COL28A1: variants seen among roughly 807,000 people sequenced by gnomAD.
COL28A1 encodes collagen type XXVIII alpha 1 chain, also known as collagen alpha-1(XXVIII) chain.
Under a neutral mutation model 150.2 loss-of-function variants are expected in COL28A1, and 161 were observed. The observed-to-expected ratio is 1.07, with a 90% CI of 0.94 to 1.22. The LOEUF (loss-of-function observed/expected upper bound fraction) is 1.22. COL28A1 is among the 50% of genes most tolerant of loss of function. COL28A1 has a pLI of 0.00. For synonymous variants in COL28A1, 552 were observed against 469.7 expected, an observed-to-expected ratio of 1.18 and a Z score of -2.26; for missense variants, 1,617 against 1,388.3, an observed-to-expected ratio of 1.16 and a Z score of -2.62.
At chr7:7,360,124 A>G (rs891948783) in intron 34 of COL28A1, among the ~76,000 whole-genome samples, 1 of 152,190 alleles carries the variant, frequency 6.6e-6, no homozygotes, top group Non-Finnish European at 1.5e-5. Flanking sequence ...CTCTAAAGGC[A>G]TTCAAATTAA....
intron 15 of COL28A1, among the ~76,000 whole-genome samples, chr7:7,456,649 A>G (rs1199963989): frequency 6.6e-6 from 1 of 152,198 alleles, no homozygotes; most frequent in Non-Finnish European, 1.5e-5. Context: ...AGTTACCAGC[A>G]AGAAGAACAT....
At chr7:7,471,069 A>T (rs894220086) in intron 15 of COL28A1, among the ~76,000 whole-genome samples, 1 of 144,354 alleles carries the variant, frequency 6.9e-6, no homozygotes, top group Admixed American at 6.9e-5. Context: ...TATGTAACTA[A>T]CCTGCACAAT....
downstream of COL28A1, chr7:7,356,702 G>C (rs1266007265): frequency 2.6e-5 from 4 of 151,896 alleles, no homozygotes; most frequent in African/African-American, 7.3e-5. Context: ...GTGGGGTGGC[G>C]GGGGAGTGGG....
the COL28A1 span, among the ~76,000 whole-genome samples, chr7:7,339,476 G>A: frequency 6.6e-6 from 1 of 152,088 alleles, no homozygotes. Context: ...TCGTGCTGAG[G>A]CAGAATACTG....
rs765702476 is a variant in COL28A1 at position 7,358,821 on chromosome 7, G to C, written c.3206-16C>G. On this transcript the variant is annotated splice_polypyrimidine_tract_variant and intron_variant, in intron 34 of 34. Transcript: ENST00000399429. ...CATCTAGGATCTAGAGTGAGAAAAG[G>C]AAAATGTGTCACGGATTTTTCTTAT... 21 of 1,595,228 alleles carry C rather than the reference G, an allele frequency of 1.3e-5. No homozygotes were observed. In the East Asian group the frequency reaches 4.7e-4, roughly 36 times the overall value.
rs915079736 is a variant in COL28A1, at chr7:7,432,510, G to C, written c.1961C>G (p.Pro654Arg). 1.9e-6 allele frequency: 3 copies of C among 1,613,884 alleles called. No homozygotes were observed. Among genetic ancestry groups the C allele is most frequent in the Non-Finnish European group, 2.5e-6 (3 of 1,179,986 alleles). ...GTCTCCCACTCCACGTAAACCCATCGGCCCAGGGGGTCCTGGTAATCCACG... is the reference window on the plus strand; with the variant it reads ...GTCTCCCACTCCACGTAAACCCATCCGCCCAGGGGGTCCTGGTAATCCACG... ...GPRGLPGPPGPMGLRGVGDTG... is the reference protein window; with the variant it reads ...GPRGLPGPPGRMGLRGVGDTG... The change falls in exon 25 of 35, where the codon CCG becomes CGG. Residue 654 changes from proline (P) to arginine (R), a missense_variant. By Grantham distance (103) the Pro-to-Arg change is moderately radical. Transcript: ENST00000399429.
chr7:7,536,457 T>A (rs1378368891), upstream of COL28A1, among the ~76,000 whole-genome samples: 1 of 152,154 alleles, frequency 6.6e-6, no homozygotes, highest in African/African-American at 2.4e-5. Context: ...TTAAGATGTG[T>A]TCGAACTGTA....
At chr7:7,342,865 C>T in the COL28A1 span, among the ~76,000 whole-genome samples, 1 of 151,974 alleles carries the variant, frequency 6.6e-6, no homozygotes, top group Non-Finnish European at 1.5e-5. Flanking sequence ...AGGTTTTCCA[C>T]TGGGAATCAT....
chr7:7,443,571 T>C lies in COL28A1; in HGVS notation c.1650+14A>G, dbSNP rs199774936. ...GAACACAGGCTGCTTCCACCAACACTGTCATTTCCATACCTTGGGGCCAGG... is the reference window on the plus strand; with the variant it reads ...GAACACAGGCTGCTTCCACCAACACCGTCATTTCCATACCTTGGGGCCAGG... On this transcript the variant is annotated intron_variant, in intron 20 of 34. Transcript: ENST00000399429. 26 of 1,613,934 alleles carry C rather than the reference T, an allele frequency of 1.6e-5. No individual in the cohort carries two copies. The African/African-American group carries it at 2.5e-4, about 16-fold the overall frequency.
At position 7,436,665 on chromosome 7, in the gene COL28A1, T is replaced by C. The variant is rs17167720; in HGVS notation, c.1792-202A>G. Among the ~76,000 whole-genome samples the C allele has an allele frequency of 0.052, 7,848 of 152,268 alleles. 703 individuals are homozygous for C. The highest frequency in any genetic ancestry group is 0.18 in the African/African-American group (7,434 of 41,508). On this transcript the variant is annotated intron_variant, in intron 22 of 34. Transcript: ENST00000399429. Reference sequence around the variant, plus strand: ...CTGTCAGTAAAGACTATTACTGCTGTTGGGAGAAAGTCCATTGAAATAATA... The same window carrying C: ...CTGTCAGTAAAGACTATTACTGCTGCTGGGAGAAAGTCCATTGAAATAATA...
intron 5 of COL28A1, among the ~76,000 whole-genome samples, chr7:7,521,124 C>G (rs1334021769): frequency 6.6e-6 from 1 of 152,102 alleles, no homozygotes; most frequent in Admixed American, 6.5e-5. Context: ...GTGAGATTCT[C>G]CATAGGGCTT....
chr7:7,485,974 C>G (rs1212791341), intron 13 of COL28A1, among the ~76,000 whole-genome samples: 1 of 152,098 alleles, frequency 6.6e-6, no homozygotes, highest in Admixed American at 6.5e-5. Context: ...TAAAATAGCC[C>G]TGTCCAAGTC....
chr7:7,411,087 G>A (rs755628704), intron 27 of COL28A1, among the ~76,000 whole-genome samples: 2 of 152,220 alleles, frequency 1.3e-5, no homozygotes, highest in Non-Finnish European at 2.9e-5. Context: ...CTCCATGTGA[G>A]ATTTCCACTA....
At chr7:7,501,754 G>A (rs912318010) in intron 11 of COL28A1, among the ~76,000 whole-genome samples, 2 of 152,158 alleles carry the variant, frequency 1.3e-5, no homozygotes, top group African/African-American at 4.8e-5. Context: ...GAAGGCAGCA[G>A]CGTTGGGTTT....
rs760056368 is a variant in COL28A1, at chr7:7,531,371, C to T, written c.658G>A (p.Val220Ile). 1.9e-6 allele frequency: 3 copies of T among 1,542,260 alleles called. No individual in the cohort carries two copies. In the African/African-American group the frequency reaches 4.1e-5, roughly 21 times the overall value. ...PTLLLSDPTL[V>I]DKIQDRLDIL... ...ACCAGACGATCTTGAATTTTATCTACAAGGGTTGGATCACTCAACAGTAAA... is the reference window on the plus strand; with the variant it reads ...ACCAGACGATCTTGAATTTTATCTATAAGGGTTGGATCACTCAACAGTAAA... The change falls in exon 3 of 35, where the codon GTA becomes ATA. Residue 220 changes from valine (V) to isoleucine (I), a missense_variant. Coordinates refer to ENST00000399429, the MANE Select transcript of COL28A1 (RefSeq NM_001037763.3).
Position 7,370,902 on chromosome 7 carries a change from A to G in COL28A1, c.2909-20T>C, listed in dbSNP as rs904019935. Reference sequence around the variant, plus strand: ...GGGTGTCTTTTAAAAAAGAAGTAGAAAAGAGAGATAGTAGAAGCAATGAAA... The same window carrying G: ...GGGTGTCTTTTAAAAAAGAAGTAGAGAAGAGAGATAGTAGAAGCAATGAAA... On this transcript the variant is annotated intron_variant, in intron 32 of 34. Transcript: ENST00000399429. 6.5e-7 allele frequency: 1 copy of G among 1,535,476 alleles called. No individual in the cohort carries two copies. The highest frequency in any genetic ancestry group is 2.2e-5 in the East Asian group (1 of 44,460).
intron 15 of COL28A1, 129 bp from the exon 16 acceptor site, chr7:7,456,241 T>G (rs1268549440): frequency 1.6e-5 from 20 of 1,226,962 alleles, no homozygotes; most frequent in Non-Finnish European, 2.2e-5. Context: ...CATGGAAAAT[T>G]ATAAAACTTT....
intron 27 of COL28A1, among the ~76,000 whole-genome samples, chr7:7,402,797 T>C (rs1025104214): frequency 1.3e-5 from 2 of 152,214 alleles, no homozygotes; most frequent in African/African-American, 4.8e-5. Context: ...GCTTTAGCTG[T>C]GATAGTCCCT....
At chr7:7,477,073 A>G in intron 14 of COL28A1, 39 bp downstream of exon 14, 1 of 889,122 alleles carries the variant, frequency 1.1e-6, no homozygotes, top group Non-Finnish European at 1.9e-6. Context: ...CGAGCATGTA[A>G]GACAAAGCAC....
Sources: gnomAD v4.1 joint callset for allele counts (sites outside exome capture counted in the v4.1 genomes callset) on GRCh38, gnomAD v4.1.1 for gene constraint, MANE v1.5 for transcripts, NCBI Gene and HGNC (gene_info 2026-07-23, HGNC 2026-07-21) for gene names.